Variants in TTC29 observed in about 807,000 individuals in gnomAD.
The protein encoded by TTC29 is tetratricopeptide repeat domain 29.
In TTC29, 49 loss-of-function variants were observed where a neutral mutation model predicts 58.1. The ratio of observed to expected loss-of-function variants is 0.84; its 90% CI spans 0.67 to 1.07. The LOEUF (loss-of-function observed/expected upper bound fraction) is 1.07. TTC29 is among the 50% of genes least tolerant of loss of function. TTC29 has a pLI of 0.00. For missense variants in TTC29, 582 were observed against 555.6 expected (o/e 1.05, Z -0.48); for synonymous variants, 209 against 196.8 (o/e 1.06, Z -0.52).
intron 8 of TTC29, among the ~76,000 whole-genome samples, chr4:146,852,425 T>C (rs534447157): frequency 2.6e-5 from 4 of 152,340 alleles, no homozygotes; most frequent in Non-Finnish European, 5.9e-5. Context: ...TGGCTCTGCA[T>C]CTGCTAGCTT....
At chr4:146,798,819 G>A (rs568386125) in intron 11 of TTC29, among the ~76,000 whole-genome samples, 8 of 147,546 alleles carry the variant, frequency 5.4e-5, no homozygotes, top group African/African-American at 1.5e-4. Context: ...CCTGGGAGAC[G>A]GAGCTTGTAA....
In TTC29 at chr4:146,834,745, G is replaced by A. The variant is rs534429881; in HGVS notation, c.886-848C>T. On this transcript the variant is annotated intron_variant, in intron 8 of 12. Coordinates refer to ENST00000325106, the MANE Select transcript of TTC29 (RefSeq NM_031956.4). Reference sequence around the variant, plus strand: ...GGAAGACAGAGTCAGTGTGAGGGACGACATAAAAACACCTTGTCTGCTACT... The same window carrying A: ...GGAAGACAGAGTCAGTGTGAGGGACAACATAAAAACACCTTGTCTGCTACT... Among the ~76,000 whole-genome samples, 5 of 152,214 alleles carry A rather than the reference G, an allele frequency of 3.3e-5. No homozygotes were observed. The South Asian group carries it at 6.2e-4, about 19-fold the overall frequency.
intron 6 of TTC29, among the ~76,000 whole-genome samples, chr4:146,881,341 G>C (rs1731611749): frequency 6.6e-6 from 1 of 152,104 alleles, no homozygotes; most frequent in Admixed American, 6.6e-5. Flanking sequence ...AGCAGCACTG[G>C]TATAAGTCTT....
At chr4:146,944,813 TAA>T (rs74915407) in intron 2 of TTC29, among the ~76,000 whole-genome samples, 16 of 148,938 alleles carry the variant, frequency 1.1e-4, no homozygotes, top group African/African-American at 3.4e-4. Context: ...GCTCCCTAAG[TAA>T]AAAAAAAAAC....
chr4:146,768,189 A>T (rs921979546), intron 11 of TTC29, among the ~76,000 whole-genome samples: 1 of 151,978 alleles, frequency 6.6e-6, no homozygotes, highest in Non-Finnish European at 1.5e-5. Flanking sequence ...CAAATAGGAG[A>T]GTGTAGCCAT....
At chr4:146,876,296 C>T (rs1448103364) in intron 6 of TTC29, among the ~76,000 whole-genome samples, 1 of 152,118 alleles carries the variant, frequency 6.6e-6, no homozygotes, top group Non-Finnish European at 1.5e-5. Flanking sequence ...TTCAGAAACT[C>T]CAGCAGGCAA....
intron 4 of TTC29, among the ~76,000 whole-genome samples, chr4:146,936,364 A>G (rs1735818812): frequency 6.6e-6 from 1 of 152,166 alleles, no homozygotes; most frequent in South Asian, 2.1e-4. Context: ...TTTTAATTTA[A>G]TTCCAATTAT....
At chr4:146,835,313 A>C (rs1728433989) in intron 8 of TTC29, among the ~76,000 whole-genome samples, 1 of 152,128 alleles carries the variant, frequency 6.6e-6, no homozygotes, top group African/African-American at 2.4e-5. Context: ...AACAAGTAGC[A>C]CTTAGATCTA....
chr4:146,937,775 T>A (rs905502835), intron 3 of TTC29, 98 bp from the exon 4 acceptor site: 43 of 633,426 alleles, frequency 6.8e-5, no homozygotes, highest in Non-Finnish European at 1.1e-4. Flanking sequence ...ATATTCAGGG[T>A]ATAATACCAT....
chr4:146,728,246 A>G (rs1743935234), intron 11 of TTC29, among the ~76,000 whole-genome samples: 1 of 151,966 alleles, frequency 6.6e-6, no homozygotes, highest in Admixed American at 6.6e-5. Flanking sequence ...AGATGGTGCC[A>G]CTGCACTCCA....
At chr4:146,891,569 A>C (rs943808577) in intron 6 of TTC29, among the ~76,000 whole-genome samples, 3 of 152,202 alleles carry the variant, frequency 2.0e-5, no homozygotes, top group African/African-American at 7.2e-5. Flanking sequence ...TACAACATCA[A>C]GGCTCTGACG....
At chr4:146,788,314 G>C (rs900345209) in intron 11 of TTC29, among the ~76,000 whole-genome samples, 3 of 152,204 alleles carry the variant, frequency 2.0e-5, no homozygotes, top group Non-Finnish European at 4.4e-5. Flanking sequence ...TGGGGAGAAT[G>C]CCCCTGTGAC....
At position 146,758,604 on chromosome 4, in the gene TTC29, C is replaced by T. The variant is rs1376968151; in HGVS notation, c.1330+44853G>A. 2.6e-5 allele frequency among the ~76,000 whole-genome samples: 4 copies of T among 152,050 alleles called. No individual in the cohort carries two copies. The South Asian group carries it at 8.3e-4, about 32-fold the overall frequency. On this transcript the variant is annotated intron_variant, in intron 11 of 12. Transcript: ENST00000325106. ...ATAAGATAGGCCATAAAACAAGCCT[C>T]AATTAATTTAAGAAAATTGAAATTA...
intron 11 of TTC29, among the ~76,000 whole-genome samples, chr4:146,756,347 A>G (rs891351252): frequency 3.3e-5 from 5 of 152,096 alleles, no homozygotes; most frequent in Non-Finnish European, 5.9e-5. Flanking sequence ...TAGAAATCCT[A>G]TCAAGTAGGC....
At chr4:146,751,599 C>T (rs538338786) in intron 11 of TTC29, among the ~76,000 whole-genome samples, 45 of 152,086 alleles carry the variant, frequency 3.0e-4, no homozygotes, top group Middle Eastern at 3.4e-3. Context: ...GAGCAACCAA[C>T]GGATCAAAGA....
chr4:146,824,564 T>G (rs928002153), intron 9 of TTC29, among the ~76,000 whole-genome samples: 1 of 52,296 alleles, frequency 1.9e-5, no homozygotes, highest in African/African-American at 1.5e-4. Context: ...GAAATTTTCT[T>G]TTTTTTTGTG....
chr4:146,853,472 T>C (rs1384214007), intron 8 of TTC29, among the ~76,000 whole-genome samples: 2 of 152,198 alleles, frequency 1.3e-5, no homozygotes, highest in Non-Finnish European at 2.9e-5. Flanking sequence ...TATTTCAGCA[T>C]AGGATACCCA....
At chr4:146,836,394 G>A (rs1184922781) in intron 8 of TTC29, among the ~76,000 whole-genome samples, 4 of 152,108 alleles carry the variant, frequency 2.6e-5, no homozygotes, top group Non-Finnish European at 5.9e-5. Flanking sequence ...AAATTCACAT[G>A]AGGGTCTTGC....
intron 4 of TTC29, among the ~76,000 whole-genome samples, chr4:146,920,678 A>G (rs1734520398): frequency 6.6e-6 from 1 of 151,140 alleles, no homozygotes; most frequent in African/African-American, 2.4e-5. Flanking sequence ...GTACTCCATT[A>G]ACTACACTCT....
Sources: allele counts gnomAD v4.1 joint callset (sites outside exome capture counted in the v4.1 genomes callset), GRCh38; gene constraint gnomAD v4.1.1; transcripts MANE v1.5; gene names NCBI Gene and HGNC (gene_info 2026-07-23, HGNC 2026-07-21).